The following TMEM74 variants were observed in gnomAD, a reference collection of about 807,000 sequenced individuals.
TMEM74 encodes transmembrane protein 74.
A neutral mutation model predicts 18.1 loss-of-function variants in TMEM74; 13 were observed. The ratio of observed to expected loss-of-function variants is 0.72; its 90% CI spans 0.47 to 1.14. The LOEUF (loss-of-function observed/expected upper bound fraction) is 1.14, where lower values mean the gene tolerates loss of function less well. Ranked by LOEUF, TMEM74 falls within the 50% of genes most tolerant of loss-of-function variation. The pLI is 0.00. For synonymous variants in TMEM74, 159 were observed against 146.6 expected (o/e 1.08, Z -0.61); for missense variants, 372 against 375.9 (o/e 0.99, Z 0.09).
chr8:108,741,376 C>T lies in TMEM74; in HGVS notation n.119+46100G>A, dbSNP rs115731855. ...TCACAATTCTTTTGTATGTATAAAG[C>T]ATTACATAGTAAAACACTTTTAAAT... On this transcript the variant is annotated intron_variant and non_coding_transcript_variant, in intron 1 of 3. Transcript: ENST00000518838. Among the ~76,000 whole-genome samples, 1,153 of 152,184 alleles carry T rather than the reference C, an allele frequency of 7.6e-3. 16 individuals are homozygous for T. The highest frequency in any genetic ancestry group is 0.026 in the African/African-American group (1,071 of 41,526).
chr8:108,703,989 C>T (rs1275524272), intron 1 of TMEM74, among the ~76,000 whole-genome samples: 2 of 152,120 alleles, frequency 1.3e-5, no homozygotes, highest in Non-Finnish European at 2.9e-5. Flanking sequence ...TAAATGCTGC[C>T]CCCTTCTGGA....
intron 1 of TMEM74, among the ~76,000 whole-genome samples, chr8:108,785,562 C>G (rs1460293788): frequency 6.6e-6 from 1 of 152,212 alleles, no homozygotes; most frequent in African/African-American, 2.4e-5. Context: ...CTTGGGGAAG[C>G]ATAGACTTGT....
At chr8:108,684,015 T>C (rs556969136) in intron 1 of TMEM74, among the ~76,000 whole-genome samples, 2 of 152,116 alleles carry the variant, frequency 1.3e-5, no homozygotes, top group African/African-American at 2.4e-5. Flanking sequence ...TGTTGGACAC[T>C]TAGATTGATT....
chr8:108,742,682 G>A (rs766973803), intron 1 of TMEM74, among the ~76,000 whole-genome samples: 12 of 152,196 alleles, frequency 7.9e-5, no homozygotes, highest in Admixed American at 2.6e-4. Flanking sequence ...ATAGTAGAAA[G>A]TGTTCTGGAT....
intron 1 of TMEM74, among the ~76,000 whole-genome samples, chr8:108,701,789 T>C (rs1227428455): frequency 2.0e-5 from 3 of 152,170 alleles, no homozygotes; most frequent in Non-Finnish European, 4.4e-5. Flanking sequence ...AAAGAGTCAG[T>C]ATTGTCAAGA....
At chr8:108,635,102 C>T (rs1159782327) in intron 2 of TMEM74, among the ~76,000 whole-genome samples, 1 of 151,970 alleles carries the variant, frequency 6.6e-6, no homozygotes, top group African/African-American at 2.4e-5. Context: ...TCTGCCTTCC[C>T]TACTCAAGTG....
intron 1 of TMEM74, among the ~76,000 whole-genome samples, chr8:108,731,285 G>A (rs147837247): frequency 2.4e-4 from 37 of 151,860 alleles, no homozygotes; most frequent in Middle Eastern, 3.4e-3. Flanking sequence ...AGAAAGTGGA[G>A]TTATCAAAAA....
At chr8:108,722,939 T>G (rs1420878857) in intron 1 of TMEM74, among the ~76,000 whole-genome samples, 1 of 152,214 alleles carries the variant, frequency 6.6e-6, no homozygotes, top group Non-Finnish European at 1.5e-5. Flanking sequence ...CTTTGTTTAC[T>G]CCTCAGTGCT....
Position 108,784,116 on chromosome 8 carries a change from T to C in TMEM74, c.*65A>G. 1 of 1,392,748 alleles carries C rather than the reference T, an allele frequency of 7.2e-7. No homozygotes were observed. Among genetic ancestry groups the C allele is most frequent in the Non-Finnish European group, 9.7e-7 (1 of 1,034,816 alleles). The allele number at this position is 1,392,748 out of a possible 1,614,324, so 86.3% of individuals were successfully genotyped here. A position where few individuals can be genotyped will look rare whatever the true frequency, so the allele number is the denominator to read the frequency against. ...GCAAATAAATTGCACTGTGAATTTTTATAAATTAACTTTTTTCATATTATA... is the reference window on the plus strand; with the variant it reads ...GCAAATAAATTGCACTGTGAATTTTCATAAATTAACTTTTTTCATATTATA... On this transcript the variant is annotated 3_prime_UTR_variant, in exon 2 of 2. Transcript: ENST00000297459.
chr8:108,759,237 G>C (rs764372300), intron 1 of TMEM74, among the ~76,000 whole-genome samples: 1 of 151,984 alleles, frequency 6.6e-6, no homozygotes, highest in Admixed American at 6.6e-5. Context: ...ACAATTATCT[G>C]TAACAGTTGT....
intron 1 of TMEM74, among the ~76,000 whole-genome samples, chr8:108,722,072 T>C (rs1382587363): frequency 2.0e-5 from 3 of 152,256 alleles, no homozygotes; most frequent in African/African-American, 7.2e-5. Context: ...TGCATTTTTC[T>C]AGATATTTTG....
At chr8:108,674,133 C>A (rs1278840732) in intron 1 of TMEM74, among the ~76,000 whole-genome samples, 1 of 152,104 alleles carries the variant, frequency 6.6e-6, no homozygotes, top group Non-Finnish European at 1.5e-5. Flanking sequence ...AGTATGTTAT[C>A]AGAAATTTTT....
chr8:108,706,518 T>C (rs1443941891), intron 1 of TMEM74, among the ~76,000 whole-genome samples: 2 of 152,214 alleles, frequency 1.3e-5, no homozygotes, highest in South Asian at 4.1e-4. Context: ...AAATGTTTAT[T>C]GAATTGAATT....
chr8:108,664,385 G>C (rs2130584062), intron 1 of TMEM74, among the ~76,000 whole-genome samples: 1 of 152,066 alleles, frequency 6.6e-6, no homozygotes, highest in South Asian at 2.1e-4. Context: ...CTTTTTTGTG[G>C]CTATTGTGCA....
At chr8:108,673,597 G>A (rs1029012493) in intron 1 of TMEM74, among the ~76,000 whole-genome samples, 8 of 152,194 alleles carry the variant, frequency 5.3e-5, no homozygotes, top group Admixed American at 2.0e-4. Context: ...ACAGGAGCAC[G>A]TATTTTGGAG....
At chr8:108,646,014 C>T (rs1360721356) in intron 2 of TMEM74, among the ~76,000 whole-genome samples, 2 of 150,768 alleles carry the variant, frequency 1.3e-5, no homozygotes, top group Admixed American at 1.3e-4. Flanking sequence ...GTTAATGAGA[C>T]AATTATAAAA....
In TMEM74 at chr8:108,756,624, AAGGAAGGAAG is replaced by A. The variant is rs1563543671; in HGVS notation, n.119+30842_119+30851del. On this transcript the variant is annotated intron_variant and non_coding_transcript_variant, in intron 1 of 3. Transcript: ENST00000518838. ...AAAGGAAGGAAGGAAGGAAGGAAGG[AAGGAAGGAAG>A]GAAGGAAGAAAGAAAGAGAAAGAAA... 6.7e-4 allele frequency among the ~76,000 whole-genome samples: 64 copies of A among 94,996 alleles called. 1 individual carries two copies. The highest frequency in any genetic ancestry group is 2.9e-3 in the African/African-American group (62 of 21,670). The allele number at this position is 94,996 out of a possible 152,430, so 62.3% of individuals were successfully genotyped here. A position where few individuals can be genotyped will look rare whatever the true frequency, so the allele number is the denominator to read the frequency against.
chr8:108,721,015 C>T (rs562507917), intron 1 of TMEM74, among the ~76,000 whole-genome samples: 32 of 152,218 alleles, frequency 2.1e-4, no homozygotes, highest in South Asian at 8.3e-4. Flanking sequence ...ATGATCCGCC[C>T]GCCTCGACCT....
At chr8:108,621,271 C>A (rs1006020935) in intron 2 of TMEM74, among the ~76,000 whole-genome samples, 1 of 152,194 alleles carries the variant, frequency 6.6e-6, no homozygotes, top group East Asian at 1.9e-4. Context: ...TCAATTCCAC[C>A]GAGGACTCTC....
Sources: allele counts gnomAD v4.1 joint callset (sites outside exome capture counted in the v4.1 genomes callset), GRCh38; gene constraint gnomAD v4.1.1; transcripts MANE v1.5; gene names NCBI Gene and HGNC (gene_info 2026-07-23, HGNC 2026-07-21).